Variants in KIAA0319L observed in about 807,000 individuals in gnomAD.
KIAA0319L encodes KIAA0319 like.
A neutral mutation model predicts 120.1 loss-of-function variants in KIAA0319L; 55 were observed. That is an observed-to-expected ratio of 0.46 (90% CI 0.37 to 0.57). The LOEUF (loss-of-function observed/expected upper bound fraction) is 0.57. Ranked by LOEUF, KIAA0319L falls within the 20% of genes least tolerant of loss-of-function variation. KIAA0319L has a pLI of 0.00. For missense variants in KIAA0319L, 1,049 were observed against 1,255.3 expected, an observed-to-expected ratio of 0.84 and a Z score of 2.48; for synonymous variants, 398 against 471.9, an observed-to-expected ratio of 0.84 and a Z score of 2.03.
intron 2 of KIAA0319L, among the ~76,000 whole-genome samples, chr1:35,510,788 G>A (rs1375890613): frequency 6.6e-6 from 1 of 151,440 alleles, no homozygotes; most frequent in Non-Finnish European, 1.5e-5. Flanking sequence ...TTAACTTTTT[G>A]TCAGAGATGG....
chr1:35,519,948 G>C (rs1645842525), intron 2 of KIAA0319L, among the ~76,000 whole-genome samples: 2 of 151,928 alleles, frequency 1.3e-5, no homozygotes, highest in South Asian at 4.1e-4. Flanking sequence ...TGAGAGCTGG[G>C]AAAAAAATGA....
chr1:35,510,564 T>G (rs1272069327), intron 2 of KIAA0319L: 1 of 151,486 alleles, frequency 6.6e-6, no homozygotes, highest in Non-Finnish European at 1.5e-5. Context: ...GAAAACACAG[T>G]GGAGATAAGC....
chr1:35,478,802 G>T (rs1194127917), intron 4 of KIAA0319L, among the ~76,000 whole-genome samples, 164 bp downstream of exon 4: 1 of 152,192 alleles, frequency 6.6e-6, no homozygotes, highest in Non-Finnish European at 1.5e-5. Flanking sequence ...CTGAGGAAAG[G>T]CTCTAGAGCC....
intron 4 of KIAA0319L, among the ~76,000 whole-genome samples, chr1:35,477,829 G>A (rs1643967700): frequency 6.6e-6 from 1 of 152,126 alleles, no homozygotes; most frequent in South Asian, 2.1e-4. Context: ...CAACCACTAT[G>A]GAGAACAGTT....
At position 35,443,010 on chromosome 1, in the gene KIAA0319L, G is replaced by A; in HGVS notation, c.2675C>T (p.Ser892Phe). The change falls in exon 18 of 21, where the codon TCC (serine) becomes TTC (phenylalanine). Residue 892 changes from serine to phenylalanine, a missense_variant. Transcript: ENST00000325722. Reference protein sequence around the residue: ...VNTVTCQLNCSDHGHCDSFTK... With the variant: ...VNTVTCQLNCFDHGHCDSFTK... ...GAACGAGTCACAGTGGCCATGGTCGGAACAGTTCAGCTGACATGCTGAGAG... is the reference window on the plus strand; with the variant it reads ...GAACGAGTCACAGTGGCCATGGTCGAAACAGTTCAGCTGACATGCTGAGAG... 4 of 1,614,164 alleles carry A rather than the reference G, an allele frequency of 2.5e-6. No individual in the cohort carries two copies. The highest frequency in any genetic ancestry group is 3.4e-6 in the Non-Finnish European group (4 of 1,180,018).
At chr1:35,515,430 T>C (rs1225195366) in intron 2 of KIAA0319L, among the ~76,000 whole-genome samples, 1 of 151,752 alleles carries the variant, frequency 6.6e-6, no homozygotes, top group African/African-American at 2.4e-5. Context: ...ATGAATTACA[T>C]GAAAATTAAA....
intron 10 of KIAA0319L, 187 bp from the exon 11 acceptor site, chr1:35,454,672 TC>T (rs890144998): frequency 7.3e-7 from 1 of 1,371,252 alleles, no homozygotes; most frequent in African/African-American, 1.5e-5. Flanking sequence ...GCTAAGGGTT[TC>T]CCCCTTCAAG....
intron 9 of KIAA0319L, 90 bp from the exon 10 acceptor site, chr1:35,456,331 A>G: frequency 2.4e-6 from 2 of 847,548 alleles, no homozygotes; most frequent in South Asian, 4.0e-5. Flanking sequence ...GCTAAGAAAT[A>G]CCAATGTGGC....
At chr1:35,547,177 ATAT>A (rs1445462389) in intron 2 of KIAA0319L, among the ~76,000 whole-genome samples, 2 of 146,736 alleles carry the variant, frequency 1.4e-5, no homozygotes, top group African/African-American at 2.5e-5. Flanking sequence ...ATAATTATAC[ATAT>A]TATACGTGAT....
chr1:35,486,365 C>A lies in KIAA0319L; in HGVS notation c.667-7153G>T, dbSNP rs1294940672. Among the ~76,000 whole-genome samples, 3 of 138,072 alleles carry A rather than the reference C, an allele frequency of 2.2e-5. No homozygotes were observed. The East Asian group carries it at 6.3e-4, about 29-fold the overall frequency. 90.6% of individuals were successfully genotyped at this position (138,072 alleles called of 152,430 possible). A position where few individuals can be genotyped will look rare whatever the true frequency, so the allele number is the denominator to read the frequency against. On this transcript the variant is annotated intron_variant, in intron 3 of 20. Coordinates refer to ENST00000325722, the MANE Select transcript of KIAA0319L (RefSeq NM_024874.5). Reference sequence around the variant, plus strand: ...CACCAACCTGGATGACAGAGTAAGACCCTGTCTCAAGAAAAAAAAAAAAAA... The same window carrying A: ...CACCAACCTGGATGACAGAGTAAGAACCTGTCTCAAGAAAAAAAAAAAAAA...
At chr1:35,460,813 A>G (rs796265694) in intron 8 of KIAA0319L, among the ~76,000 whole-genome samples, 3 of 152,394 alleles carry the variant, frequency 2.0e-5, no homozygotes, top group African/African-American at 7.2e-5. Flanking sequence ...CCAAAATTTC[A>G]TAACACATTA....
At position 35,440,709 on chromosome 1, in the gene KIAA0319L, C is replaced by T. The variant is rs554743586; in HGVS notation, c.2962+338G>A. 8 of 297,608 alleles carry T rather than the reference C, an allele frequency of 2.7e-5. No individual in the cohort carries two copies. The South Asian group carries it at 4.1e-4, about 15-fold the overall frequency. The allele number at this position is 297,608 out of a possible 1,614,324, so 18.4% of individuals were successfully genotyped here. A position where few individuals can be genotyped will look rare whatever the true frequency, so the allele number is the denominator to read the frequency against. On this transcript the variant is annotated intron_variant, in intron 20 of 20. Coordinates refer to ENST00000325722, the MANE Select transcript of KIAA0319L (RefSeq NM_024874.5). ...TGCCCATAAAGCACAGACTGGTCAGCAGTAAGAGACAAGTCCAAGGTCCCT... is the reference window on the plus strand; with the variant it reads ...TGCCCATAAAGCACAGACTGGTCAGTAGTAAGAGACAAGTCCAAGGTCCCT...
chr1:35,477,142 A>C (rs557278430), intron 4 of KIAA0319L, among the ~76,000 whole-genome samples: 1 of 152,348 alleles, frequency 6.6e-6, no homozygotes, highest in Admixed American at 6.5e-5. Context: ...CAAAGTGAAG[A>C]GACAACCCAC....
rs1558484218 is a variant in KIAA0319L at position 35,496,946 on chromosome 1, C to CAAAAAAAAA, written c.666+9665_666+9666insTTTTTTTTT. Among the ~76,000 whole-genome samples the CAAAAAAAAA allele has an allele frequency of 9.3e-5, 6 of 64,372 alleles. 1 individual carries two copies. The highest frequency in any genetic ancestry group is 2.4e-4 in the African/African-American group (2 of 8,198). The allele number at this position is 64,372 out of a possible 152,430, so 42.2% of individuals were successfully genotyped here. A position where few individuals can be genotyped will look rare whatever the true frequency, so the allele number is the denominator to read the frequency against. On this transcript the variant is annotated intron_variant, in intron 3 of 20. Transcript: ENST00000325722. ...TGAGCAACAGAGTGAGATTGTGTCT[C>CAAAAAAAAA]CAAAAAAAAAAAAAAAAAAAAAAAG...
At chr1:35,517,470 C>A (rs1645732483) in intron 2 of KIAA0319L, among the ~76,000 whole-genome samples, 1 of 152,116 alleles carries the variant, frequency 6.6e-6, no homozygotes. Context: ...GGAAAAGACA[C>A]CTTACTCAAT....
intron 20 of KIAA0319L, 85 bp from the exon 21 acceptor site, chr1:35,435,166 C>A: frequency 4.0e-6 from 5 of 1,257,144 alleles, no homozygotes; most frequent in Non-Finnish European, 5.7e-6. Context: ...CCTGAGGAGC[C>A]AAGGAACAGG....
rs371585562 is a variant in KIAA0319L, at chr1:35,459,502, C to T, written c.1427+803G>A. ...GTCCCAGCTACTCGGGAGGCTGAGG[C>T]AGGAGAACGGCATGAATCCGGGAGG... On this transcript the variant is annotated intron_variant, in intron 9 of 20. Coordinates refer to ENST00000325722, the MANE Select transcript of KIAA0319L (RefSeq NM_024874.5). 7.3e-5 allele frequency among the ~76,000 whole-genome samples: 11 copies of T among 151,594 alleles called. No homozygotes were observed. The East Asian group carries it at 1.7e-3, about 24-fold the overall frequency.
intron 2 of KIAA0319L, among the ~76,000 whole-genome samples, chr1:35,538,340 C>T (rs1646660779): frequency 1.3e-5 from 2 of 151,942 alleles, no homozygotes; most frequent in Admixed American, 6.5e-5. Flanking sequence ...CCTATAATTC[C>T]AGCACTTTGG....
rs148125990 is a variant in KIAA0319L, at chr1:35,545,868, C to A, written c.142+8482G>T. On this transcript the variant is annotated intron_variant, in intron 2 of 20. Transcript: ENST00000325722. ...CAAGATTGTGCCACTGTACTCCAGC[C>A]TGGGCGACAGAGCAAGACTGTGCCT... Among the ~76,000 whole-genome samples, 508 of 152,090 alleles carry A rather than the reference C, an allele frequency of 3.3e-3. 2 individuals are homozygous for A. The highest frequency in any genetic ancestry group is 4.6e-3 in the Non-Finnish European group (316 of 67,992).
Sources: gnomAD v4.1 joint callset for allele counts (sites outside exome capture counted in the v4.1 genomes callset) on GRCh38, gnomAD v4.1.1 for gene constraint, MANE v1.5 for transcripts, NCBI Gene and HGNC (gene_info 2026-07-23, HGNC 2026-07-21) for gene names.